The following ACOT11 variants were observed in gnomAD, a reference collection of about 807,000 sequenced individuals.
ACOT11 encodes acyl-coenzyme A thioesterase 11.
In ACOT11, 69 loss-of-function variants were observed where a neutral mutation model predicts 77.5. That is an observed-to-expected ratio of 0.89 (90% CI 0.73 to 1.09). The LOEUF is 1.09. Among genes scored for constraint, ACOT11 ranks in the 50% least tolerant of loss-of-function variants. The pLI, the probability that ACOT11 is intolerant of heterozygous loss-of-function variation, is 0.00. For missense variants in ACOT11, 766 were observed against 813.7 expected, an observed-to-expected ratio of 0.94 and a Z score of 0.71; for synonymous variants, 279 against 313.0, an observed-to-expected ratio of 0.89 and a Z score of 1.15.
At chr1:54,586,183 G>A (rs1654493649) in intron 3 of ACOT11, among the ~76,000 whole-genome samples, 1 of 152,136 alleles carries the variant, frequency 6.6e-6, no homozygotes, top group African/African-American at 2.4e-5. Context: ...CGTGACTTTG[G>A]GGAAGTCAGT....
In ACOT11 at chr1:54,558,599, G is replaced by A. The variant is rs144112989; in HGVS notation, c.33+10257G>A. ...AGCCTTGGGAAGATCTGAGGGAAGA[G>A]CATTCCAGCCAAGGGGAACAGAATC... On this transcript the variant is annotated intron_variant, in intron 1 of 15. Coordinates refer to ENST00000343744, the MANE Select transcript of ACOT11 (RefSeq NM_147161.4). 1.1e-3 allele frequency among the ~76,000 whole-genome samples: 166 copies of A among 152,304 alleles called. 2 individuals are homozygous for A. In the East Asian group the frequency reaches 0.022, roughly 20 times the overall value.
At chr1:54,595,682 T>C (rs1286331584) in intron 6 of ACOT11, among the ~76,000 whole-genome samples, 1 of 152,210 alleles carries the variant, frequency 6.6e-6, no homozygotes, top group Non-Finnish European at 1.5e-5. Context: ...TGGGGGTTGT[T>C]CTATACCAGT....
intron 1 of ACOT11, among the ~76,000 whole-genome samples, chr1:54,562,422 G>T (rs1653550162): frequency 1.2e-5 from 1 of 82,618 alleles, no homozygotes. Flanking sequence ...CTCCCGGACG[G>T]GGCGGCTGGC....
At chr1:54,588,916 T>C (rs1365892264) in intron 3 of ACOT11, among the ~76,000 whole-genome samples, 3 of 152,192 alleles carry the variant, frequency 2.0e-5, no homozygotes, top group African/African-American at 7.2e-5. Context: ...AGGGAAGGCC[T>C]GGACACACCT....
chr1:54,566,814 A>C (rs546489564), intron 1 of ACOT11, among the ~76,000 whole-genome samples: 33 of 152,250 alleles, frequency 2.2e-4, no homozygotes, highest in Admixed American at 4.6e-4. Flanking sequence ...TCAATATGAC[A>C]GTCTTGGGAT....
chr1:54,587,932 A>C (rs1202879012), intron 3 of ACOT11, among the ~76,000 whole-genome samples: 2 of 151,982 alleles, frequency 1.3e-5, no homozygotes, highest in Non-Finnish European at 2.9e-5. Context: ...AGATAGTACA[A>C]GGCCGGGCGC....
intron 16 of ACOT11, among the ~76,000 whole-genome samples, chr1:54,631,048 G>C (rs189772792): frequency 2.1e-4 from 32 of 152,326 alleles, no homozygotes; most frequent in Non-Finnish European, 7.3e-5. Flanking sequence ...GCCAGCTGAA[G>C]CTAAAGCGGC....
intron 15 of ACOT11, among the ~76,000 whole-genome samples, chr1:54,618,353 A>G (rs1031118815): frequency 2.0e-5 from 3 of 152,032 alleles, no homozygotes; most frequent in African/African-American, 7.2e-5. Flanking sequence ...AAAATACAAA[A>G]ATTAGCCAGG....
chr1:54,556,744 G>T (rs1394842940), intron 1 of ACOT11, among the ~76,000 whole-genome samples: 1 of 151,930 alleles, frequency 6.6e-6, no homozygotes, highest in African/African-American at 2.4e-5. Flanking sequence ...ACCATGCCTG[G>T]CTAATTTTTG....
intron 16 of ACOT11, among the ~76,000 whole-genome samples, chr1:54,631,965 A>G (rs907970589): frequency 1.3e-5 from 2 of 152,210 alleles, no homozygotes; most frequent in South Asian, 2.1e-4. Flanking sequence ...CCTTGTTGGC[A>G]ATGGCAATGG....
At chr1:54,619,244 G>A (rs1644204536) in intron 15 of ACOT11, among the ~76,000 whole-genome samples, 1 of 152,162 alleles carries the variant, frequency 6.6e-6, no homozygotes, top group Admixed American at 6.5e-5. Flanking sequence ...TAGCATGTTC[G>A]TGAACATTAT....
At chr1:54,594,186 C>T in intron 5 of ACOT11, 147 bp downstream of exon 5, 2 of 692,052 alleles carry the variant, frequency 2.9e-6, no homozygotes, top group South Asian at 3.8e-5. Context: ...GAGGAAGGCC[C>T]ACCCCTCATT....
At chr1:54,564,794 G>T (rs1416789936) in intron 1 of ACOT11, among the ~76,000 whole-genome samples, 1 of 152,172 alleles carries the variant, frequency 6.6e-6, no homozygotes, top group Non-Finnish European at 1.5e-5. Context: ...ATAACATAGG[G>T]ATGTCGGGGT....
At chr1:54,558,373 A>T (rs1653344782) in intron 1 of ACOT11, among the ~76,000 whole-genome samples, 1 of 152,236 alleles carries the variant, frequency 6.6e-6, no homozygotes, top group Non-Finnish European at 1.5e-5. Context: ...TGTGAAGTAG[A>T]TAATTGTGTC....
chr1:54,637,024 AAC>A (rs1283026557), exon 17 of ACOT11: 4 of 153,790 alleles, frequency 2.6e-5, no homozygotes, highest in African/African-American at 9.6e-5. Flanking sequence ...CTTAATACAG[AAC>A]AAAATGGAGT....
At chr1:54,568,389 A>C in intron 1 of ACOT11, among the ~76,000 whole-genome samples, 1 of 47,894 alleles carries the variant, frequency 2.1e-5, no homozygotes, top group Non-Finnish European at 3.8e-5. Context: ...TTTGAGACGG[A>C]GTTTTGTTCT....
At chr1:54,620,030 G>T (rs11583256) in intron 15 of ACOT11, 63,616 of 1,611,526 alleles carry the variant, frequency 0.039, 1,473 homozygotes, top group Middle Eastern at 0.096. Flanking sequence ...CCAAGGGGCT[G>T]TTAGCGTCTG....
intron 13 of ACOT11, among the ~76,000 whole-genome samples, chr1:54,605,665 T>C (rs1644016413): frequency 6.6e-6 from 1 of 152,174 alleles, no homozygotes; most frequent in Non-Finnish European, 1.5e-5. Context: ...GGCCAGTTTG[T>C]TGAACTTACC....
chr1:54,556,420 T>C (rs1016032381), intron 1 of ACOT11, among the ~76,000 whole-genome samples: 1 of 152,242 alleles, frequency 6.6e-6, no homozygotes, highest in African/African-American at 2.4e-5. Context: ...TTTCTGTTTC[T>C]GTGAAGAATG....
Sources: allele counts gnomAD v4.1 joint callset (sites outside exome capture counted in the v4.1 genomes callset), GRCh38; gene constraint gnomAD v4.1.1; transcripts MANE v1.5; gene names NCBI Gene and HGNC (gene_info 2026-07-23, HGNC 2026-07-21).